The following SHANK2 variants were observed in gnomAD, a reference collection of about 807,000 sequenced individuals.
SHANK2 encodes SH3 and multiple ankyrin repeat domains protein 2.
SHANK2 carries 43 observed loss-of-function variants against 133.7 expected under a neutral mutation model. That is an observed-to-expected ratio of 0.32 (90% CI 0.25 to 0.41). The LOEUF (loss-of-function observed/expected upper bound fraction) is 0.41. SHANK2 is among the 10% of genes least tolerant of loss of function. SHANK2 has a pLI of 1.00. For missense variants in SHANK2, 1,994 were observed against 2,235.8 expected, an observed-to-expected ratio of 0.89 and a Z score of 2.18; for synonymous variants, 1,017 against 952.8, an observed-to-expected ratio of 1.07 and a Z score of -1.24.
At chr11:71,134,153 G>A (rs1371504716) in intron 3 of SHANK2, among the ~76,000 whole-genome samples, 1 of 151,842 alleles carries the variant, frequency 6.6e-6, no homozygotes, top group Non-Finnish European at 1.5e-5. Context: ...AGGTGGGAGG[G>A]GAGGGGCTCA....
chr11:70,848,542 A>G (rs1489230216), intron 11 of SHANK2, among the ~76,000 whole-genome samples: 1 of 152,184 alleles, frequency 6.6e-6, no homozygotes, highest in East Asian at 1.9e-4. Context: ...TAAAGGCCCT[A>G]AAGTGCACTG....
intron 8 of SHANK2, among the ~76,000 whole-genome samples, chr11:71,083,322 G>T (rs1951326670): frequency 6.6e-6 from 1 of 152,030 alleles, no homozygotes; most frequent in Non-Finnish European, 1.5e-5. Context: ...GATGATGGGG[G>T]GACAGATGAT....
intron 12 of SHANK2, among the ~76,000 whole-genome samples, chr11:70,818,546 G>A (rs1234649488): frequency 1.3e-5 from 2 of 152,176 alleles, no homozygotes; most frequent in East Asian, 3.9e-4. Flanking sequence ...TAAAACTGTA[G>A]TCAGAAGTCT....
chr11:70,945,736 T>C (rs1950715344), intron 10 of SHANK2, among the ~76,000 whole-genome samples: 1 of 152,122 alleles, frequency 6.6e-6, no homozygotes, highest in South Asian at 2.1e-4. Flanking sequence ...CCTGAGACAC[T>C]AGGTTACCAC....
chr11:70,911,057 C>G (rs782375623), intron 10 of SHANK2: 2 of 456,928 alleles, frequency 4.4e-6, no homozygotes, highest in African/African-American at 4.0e-5. Context: ...CTCAGAAGAT[C>G]GGCATTCACC....
intron 14 of SHANK2, among the ~76,000 whole-genome samples, chr11:70,759,527 G>C (rs1185096374): frequency 1.3e-5 from 2 of 152,140 alleles, no homozygotes; most frequent in Non-Finnish European, 2.9e-5. Context: ...ACCATGATGG[G>C]ACAGGAGGTT....
intron 14 of SHANK2, among the ~76,000 whole-genome samples, chr11:70,787,023 G>GCATCACCAT (rs1947670419): frequency 7.2e-6 from 1 of 139,284 alleles, no homozygotes; most frequent in Non-Finnish European, 1.6e-5. Flanking sequence ...ACCATCACCA[G>GCATCACCAT]CATCACCATC....
At chr11:71,153,966 T>C (rs1423250183) in intron 2 of SHANK2, among the ~76,000 whole-genome samples, 1 of 152,066 alleles carries the variant, frequency 6.6e-6, no homozygotes, top group African/African-American at 2.4e-5. Context: ...TGAGACTCTG[T>C]CTCAAAAAAT....
intron 10 of SHANK2, among the ~76,000 whole-genome samples, chr11:70,909,519 T>C (rs1390605495): frequency 6.6e-6 from 1 of 152,150 alleles, no homozygotes; most frequent in African/African-American, 2.4e-5. Context: ...AATTCCACCC[T>C]CACGGCATGC....
chr11:71,141,258 C>T (rs1234087903), intron 3 of SHANK2, among the ~76,000 whole-genome samples: 3 of 152,014 alleles, frequency 2.0e-5, no homozygotes, highest in East Asian at 1.9e-4. Context: ...TTTGGGAGAT[C>T]GAGGTGGGCA....
At chr11:70,863,075 C>A (rs558192957) in intron 11 of SHANK2, among the ~76,000 whole-genome samples, 78 of 152,304 alleles carry the variant, frequency 5.1e-4, no homozygotes, top group Middle Eastern at 3.4e-3. Context: ...TCTTAGATGG[C>A]AGGGATCAAG....
chr11:70,908,967 A>C (rs1008302687), intron 10 of SHANK2, among the ~76,000 whole-genome samples: 2 of 152,228 alleles, frequency 1.3e-5, no homozygotes, highest in Non-Finnish European at 2.9e-5. Context: ...CCTTCTGGGC[A>C]GTATTATCCT....
intron 11 of SHANK2, among the ~76,000 whole-genome samples, chr11:70,857,474 C>A (rs1949189766): frequency 6.6e-6 from 1 of 152,200 alleles, no homozygotes; most frequent in South Asian, 2.1e-4. Flanking sequence ...ATGTGCCCAA[C>A]AGATGACTGC....
chr11:70,934,181 A>T (rs1555083046), intron 10 of SHANK2, among the ~76,000 whole-genome samples: 1 of 145,446 alleles, frequency 6.9e-6, no homozygotes, highest in Non-Finnish European at 1.5e-5. Flanking sequence ...GCAGTGAACC[A>T]TGAGTGTACC....
At chr11:70,918,743 T>G (rs577810398) in intron 10 of SHANK2, among the ~76,000 whole-genome samples, 294 of 152,298 alleles carry the variant, frequency 1.9e-3, no homozygotes, top group South Asian at 0.017. Flanking sequence ...TGACCTCAAG[T>G]GATCTGCCTG....
intron 17 of SHANK2, among the ~76,000 whole-genome samples, chr11:70,583,376 C>T (rs1387716593): frequency 1.3e-5 from 2 of 152,104 alleles, no homozygotes; most frequent in African/African-American, 2.4e-5. Context: ...CAGGGGCCAG[C>T]GTGTGGCAGC....
chr11:70,599,905 G>GAAAAAGAAAGAAAGAGAAAGAAATAA (rs1466206835), intron 17 of SHANK2, among the ~76,000 whole-genome samples: 7 of 73,730 alleles, frequency 9.5e-5, no homozygotes, highest in South Asian at 5.2e-4. Context: ...AAGAAAGAAA[G>GAAAAAGAAAGAAAGAGAAAGAAATAA]AGAAAGAAAG....
chr11:70,952,727 A>C (rs779467700), intron 10 of SHANK2: 1 of 416,958 alleles, frequency 2.4e-6, no homozygotes, highest in Non-Finnish European at 5.1e-6. Flanking sequence ...CGCAGATGGC[A>C]GGGCGGCCCT....
intron 3 of SHANK2, among the ~76,000 whole-genome samples, chr11:71,143,727 G>A (rs539620330): frequency 1.3e-5 from 2 of 152,150 alleles, no homozygotes; most frequent in African/African-American, 2.4e-5. Context: ...CCATGTTAAC[G>A]AATCAACATT....
Sources: allele counts gnomAD v4.1 joint callset (sites outside exome capture counted in the v4.1 genomes callset), GRCh38; gene constraint gnomAD v4.1.1; transcripts MANE v1.5; gene names NCBI Gene and HGNC (gene_info 2026-07-23, HGNC 2026-07-21).